INTS6L: variants seen among roughly 807,000 people sequenced by gnomAD.
The protein encoded by INTS6L is integrator complex subunit 6 like, also known as integrator complex subunit 6-like.
In INTS6L, 18 loss-of-function variants were observed where a neutral mutation model predicts 64.7. The ratio of observed to expected loss-of-function variants is 0.28; its 90% CI spans 0.19 to 0.41. The LOEUF is 0.41. Ranked by LOEUF, INTS6L falls within the 10% of genes least tolerant of loss-of-function variation. The pLI is 1.00. For synonymous variants in INTS6L, 227 were observed against 235.9 expected (o/e 0.96, Z 0.34); for missense variants, 533 against 661.0 (o/e 0.81, Z 2.12).
intron 9 of INTS6L, among the ~76,000 whole-genome samples, chrX:135,562,036 T>G (rs991630670): frequency 1.2e-4 from 13 of 108,973 alleles, no homozygotes; most frequent in African/African-American, 4.5e-4. Flanking sequence ...TTTATTTCCT[T>G]TCTTCTTACT....
At position 135,572,987 on chromosome X, in the gene INTS6L, T is replaced by G. The variant is rs782509913; in HGVS notation, c.1571T>G (p.Leu524Trp). The change falls in exon 12 of 18, where the codon TTG (leucine) becomes TGG (tryptophan). Residue 524 changes from leucine to tryptophan, a missense_variant. By Grantham distance (61) the Leu-to-Trp change is moderately conservative. Transcript: ENST00000639893. Reference protein sequence around the residue: ...TGETALRLTELNTKEFAGFQI... With the variant: ...TGETALRLTEWNTKEFAGFQI... ...GAAACTGCACTTAGACTGACAGAAT[T>G]GAACACCAAAGAATTTGCTGGCTTC... The G allele has an allele frequency of 2.5e-6, 3 of 1,209,579 alleles. No homozygotes were observed. In the African/African-American group the frequency reaches 5.2e-5, roughly 21 times the overall value.
intron 9 of INTS6L, among the ~76,000 whole-genome samples, chrX:135,562,513 T>C (rs781884572): frequency 7.9e-4 from 89 of 112,199 alleles, no homozygotes; most frequent in African/African-American, 2.6e-3. Context: ...TGTTAAATTG[T>C]TCCTGTTGGT....
At chrX:135,575,533 T>G (rs935244689) in intron 14 of INTS6L, among the ~76,000 whole-genome samples, 23 of 112,279 alleles carry the variant, frequency 2.0e-4, no homozygotes, top group Admixed American at 3.8e-4. Context: ...AAGGCCACAG[T>G]GGTCAAACGC....
intron 9 of INTS6L, among the ~76,000 whole-genome samples, chrX:135,562,449 C>G (rs1227249801): frequency 8.9e-6 from 1 of 111,991 alleles, no homozygotes; most frequent in Non-Finnish European, 1.9e-5. Context: ...TATATTCCAG[C>G]AGTGCTTGAG....
chrX:135,527,565 C>G (rs1556501945), intron 2 of INTS6L, among the ~76,000 whole-genome samples: 1 of 111,839 alleles, frequency 8.9e-6, no homozygotes, highest in Non-Finnish European at 1.9e-5. Flanking sequence ...TGGTGTGTCT[C>G]AAGACTATAA....
At chrX:135,527,381 A>G (rs1317713925) in intron 2 of INTS6L, among the ~76,000 whole-genome samples, 3 of 112,469 alleles carry the variant, frequency 2.7e-5, no homozygotes, top group African/African-American at 9.7e-5. Context: ...ATCTGGCCTA[A>G]GAAGGGACCA....
At position 135,575,992 on chromosome X, in the gene INTS6L, A is replaced by G. The variant is rs143586609; in HGVS notation, c.1884+766A>G. On this transcript the variant is annotated intron_variant, in intron 14 of 17. Coordinates refer to ENST00000639893, the MANE Select transcript of INTS6L (RefSeq NM_001351601.3). The stretch of plus-strand genomic sequence containing the variant: ...ACCTAAATCCTCAATTTATCTTTCT[A>G]TGCTTCACTTTCCTCATTTTGTAGC... 2.8e-3 allele frequency among the ~76,000 whole-genome samples: 309 copies of G among 111,896 alleles called. 6 individuals are homozygous for G. The East Asian group carries it at 0.071, about 26-fold the overall frequency.
At chrX:135,539,692 G>C (rs1334932199) in intron 2 of INTS6L, among the ~76,000 whole-genome samples, 2 of 112,126 alleles carry the variant, frequency 1.8e-5, no homozygotes, top group African/African-American at 6.5e-5. Flanking sequence ...TTTAAAGCGA[G>C]AGAAGTGCAA....
chrX:135,543,803 T>A (rs1422623682), intron 2 of INTS6L, among the ~76,000 whole-genome samples: 1 of 112,259 alleles, frequency 8.9e-6, no homozygotes, highest in Non-Finnish European at 1.9e-5. Flanking sequence ...TCATAATGCT[T>A]CCTTTTCACT....
rs782798034 is a variant in INTS6L at position 135,567,651 on chromosome X, C to T, written c.1193-1686C>T. 5.4e-5 allele frequency among the ~76,000 whole-genome samples: 6 copies of T among 111,459 alleles called. No homozygotes were observed. In the East Asian group the frequency reaches 8.4e-4, roughly 16 times the overall value. ...AGTTTCTCCAGTATTTACGTTTGTC[C>T]GTTAGTTTCCAAAATCTGCCTAATT... On this transcript the variant is annotated intron_variant, in intron 9 of 17. Coordinates refer to ENST00000639893, the MANE Select transcript of INTS6L (RefSeq NM_001351601.3).
At chrX:135,524,481 C>T (rs1556500024) in intron 2 of INTS6L, among the ~76,000 whole-genome samples, 1 of 109,152 alleles carries the variant, frequency 9.2e-6, no homozygotes, top group Non-Finnish European at 1.9e-5. Context: ...AAGGTTTGAG[C>T]GCCATTGTTT....
At chrX:135,576,606 C>T (rs921122633) in intron 14 of INTS6L, among the ~76,000 whole-genome samples, 71 of 111,207 alleles carry the variant, frequency 6.4e-4, no homozygotes, top group African/African-American at 2.3e-3. Flanking sequence ...TATCTATCCC[C>T]CCAAGAGTGA....
chrX:135,578,840 C>G (rs782205885), intron 15 of INTS6L, among the ~76,000 whole-genome samples: 1 of 111,636 alleles, frequency 9.0e-6, no homozygotes, highest in Non-Finnish European at 1.9e-5. Flanking sequence ...CACATACTCT[C>G]TAACCCTGTG....
chrX:135,564,152 A>C, intron 9 of INTS6L, among the ~76,000 whole-genome samples: 1 of 109,076 alleles, frequency 9.2e-6, no homozygotes, highest in Non-Finnish European at 1.9e-5. Flanking sequence ...ACATTGTTCT[A>C]TTTTCCAGTT....
At chrX:135,522,431 A>T (rs1021318322) in intron 2 of INTS6L, among the ~76,000 whole-genome samples, 1 of 112,408 alleles carries the variant, frequency 8.9e-6, no homozygotes, top group Non-Finnish European at 1.9e-5. Flanking sequence ...GTGAGGAGAT[A>T]AAGAACTGCT....
chrX:135,527,741 G>A (rs1556502052), intron 2 of INTS6L, among the ~76,000 whole-genome samples: 1 of 111,396 alleles, frequency 9.0e-6, no homozygotes, highest in Non-Finnish European at 1.9e-5. Flanking sequence ...CTAAAGGGAG[G>A]GGAGAATAAA....
At chrX:135,563,667 ATAGC>A (rs59402495) in intron 9 of INTS6L, among the ~76,000 whole-genome samples, 280 of 5,874 alleles carry the variant, frequency 0.048, 2 homozygotes, top group Non-Finnish European at 0.098. Flanking sequence ...AGCTATATAT[ATAGC>A]TATATATATA....
chrX:135,544,732 C>T (rs1318793894), intron 2 of INTS6L, among the ~76,000 whole-genome samples: 1 of 112,223 alleles, frequency 8.9e-6, no homozygotes, highest in Non-Finnish European at 1.9e-5. Context: ...ACAAACCAAT[C>T]AATCACAGCA....
chrX:135,555,670 T>C (rs2086631463), intron 8 of INTS6L, among the ~76,000 whole-genome samples: 1 of 111,745 alleles, frequency 8.9e-6, no homozygotes, highest in East Asian at 2.8e-4. Context: ...ATAGGAGAAT[T>C]GCGATCTGAA....
Sources: gnomAD v4.1 joint callset for allele counts (sites outside exome capture counted in the v4.1 genomes callset) on GRCh38, gnomAD v4.1.1 for gene constraint, MANE v1.5 for transcripts, NCBI Gene and HGNC (gene_info 2026-07-23, HGNC 2026-07-21) for gene names.